KMT2E: variants seen among roughly 807,000 people sequenced by gnomAD.
KMT2E encodes lysine methyltransferase 2E (inactive), also known as histone reader KMT2E.
In KMT2E, 30 loss-of-function variants were observed where a neutral mutation model predicts 184.6. That is an observed-to-expected ratio of 0.16 (90% CI 0.12 to 0.22). The LOEUF is 0.22. KMT2E is among the 10% of genes least tolerant of loss of function. KMT2E has a pLI of 1.00. For missense variants in KMT2E, 2,023 were observed against 2,237.4 expected, an observed-to-expected ratio of 0.90 and a Z score of 1.93; for synonymous variants, 815 against 776.5, an observed-to-expected ratio of 1.05 and a Z score of -0.82.
chr7:105,048,674 G>T (rs1366562235), intron 3 of KMT2E, among the ~76,000 whole-genome samples: 1 of 152,158 alleles, frequency 6.6e-6, no homozygotes, highest in African/African-American at 2.4e-5. Context: ...TTCCTGTAAA[G>T]GGCTAAAGAA....
intron 3 of KMT2E, among the ~76,000 whole-genome samples, chr7:105,053,165 GT>G (rs1215411954): frequency 3.9e-5 from 6 of 152,124 alleles, no homozygotes; most frequent in African/African-American, 9.7e-5. Flanking sequence ...GTTAATACCT[GT>G]TTTGGGAAGC....
At chr7:105,097,421 C>A (rs2237604) in intron 15 of KMT2E, among the ~76,000 whole-genome samples, 1 of 151,894 alleles carries the variant, frequency 6.6e-6, no homozygotes, top group Non-Finnish European at 1.5e-5. Flanking sequence ...AGTCACACTC[C>A]GTTGCCAGGC....
At chr7:105,078,818 A>G (rs757824259) in intron 11 of KMT2E, 28 bp from the exon 12 acceptor site, 57 of 1,326,822 alleles carry the variant, frequency 4.3e-5, no homozygotes, top group Non-Finnish European at 4.6e-5. Context: ...TAAAATGTTA[A>G]TAGCTTATAA....
chr7:105,090,352 TG>T, intron 14 of KMT2E, 79 bp downstream of exon 14: 1 of 1,442,180 alleles, frequency 6.9e-7, no homozygotes, highest in Non-Finnish European at 9.4e-7. Flanking sequence ...CTTTGTTCTA[TG>T]TATAATTGTT....
At chr7:105,074,607 G>GTC in intron 7 of KMT2E, 36 bp from the exon 8 acceptor site, 2 of 1,387,964 alleles carry the variant, frequency 1.4e-6, no homozygotes, top group Non-Finnish European at 1.9e-6. Context: ...TAAAATAGAA[G>GTC]TATTAAATGT....
chr7:105,063,808 A>G (rs1471297710), intron 5 of KMT2E: 3 of 518,316 alleles, frequency 5.8e-6, no homozygotes, highest in Non-Finnish European at 1.0e-5. Context: ...ACTTTTTTTC[A>G]TGTAGGATCA....
rs938760793 is a variant in KMT2E, at chr7:105,073,401, A to G, written c.498-218A>G. On this transcript the variant is annotated intron_variant, in intron 6 of 26. Transcript: ENST00000311117. ...GATAGGGTGAGACCCTGTCTGGGGA[A>G]AAAAAAAAAAAAAAAAAATCAGAGT... Among the ~76,000 whole-genome samples, 45 of 74,998 alleles carry G rather than the reference A, an allele frequency of 6.0e-4. No homozygotes were observed. The East Asian group carries it at 7.1e-3, about 12-fold the overall frequency. 49.2% of individuals were successfully genotyped at this position (74,998 alleles called of 152,430 possible). A position where few individuals can be genotyped will look rare whatever the true frequency, so the allele number is the denominator to read the frequency against.
At chr7:105,099,906 T>G (rs1459136589) in intron 15 of KMT2E, among the ~76,000 whole-genome samples, 1 of 152,128 alleles carries the variant, frequency 6.6e-6, no homozygotes, top group Non-Finnish European at 1.5e-5. Flanking sequence ...CATTCAGGGT[T>G]TTAGAGAAGC....
intron 1 of KMT2E, among the ~76,000 whole-genome samples, chr7:105,026,150 C>T (rs1251514757): frequency 6.6e-6 from 1 of 152,136 alleles, no homozygotes; most frequent in African/African-American, 2.4e-5. Context: ...TCGCAAACAT[C>T]TAGTCTCCTG....
intron 1 of KMT2E, among the ~76,000 whole-genome samples, chr7:105,020,561 G>A (rs914302843): frequency 3.9e-5 from 6 of 152,126 alleles, no homozygotes; most frequent in African/African-American, 1.4e-4. Context: ...CTTCAGCCTG[G>A]GCAACGAGCG....
At position 105,110,820 on chromosome 7, in the gene KMT2E, C is replaced by G. The variant is rs867276957; in HGVS notation, c.4020C>G (p.Ser1340=). ...CCACAACTACGAATGAATGTCCATCCCCAGATACTTCTCAAAATACTTGTA... is the reference window on the plus strand; with the variant it reads ...CCACAACTACGAATGAATGTCCATCGCCAGATACTTCTCAAAATACTTGTA... ...PEPTTTNECP[S]PDTSQNTCKS... is the part of the protein sequence containing the mutation. The change falls in exon 26 of 27, where the codon TCC becomes TCG. Residue 1340 remains serine, a synonymous_variant. Coordinates refer to ENST00000311117, the MANE Select transcript of KMT2E (RefSeq NM_182931.3). 6.2e-7 allele frequency: 1 copy of G among 1,613,960 alleles called. No individual in the cohort carries two copies. Among genetic ancestry groups the G allele is most frequent in the African/African-American group, 1.3e-5 (1 of 74,894 alleles).
chr7:105,081,446 T>G (rs1797762646), intron 12 of KMT2E, among the ~76,000 whole-genome samples: 1 of 150,824 alleles, frequency 6.6e-6, no homozygotes, highest in Non-Finnish European at 1.5e-5. Flanking sequence ...TTATTATTAT[T>G]ATTATTTTGA....
chr7:105,088,075 G>A (rs1289309232), intron 13 of KMT2E, among the ~76,000 whole-genome samples: 1 of 152,034 alleles, frequency 6.6e-6, no homozygotes, highest in East Asian at 1.9e-4. Flanking sequence ...GAAGGTAGGA[G>A]ATTTAGCATA....
chr7:105,022,699 G>A (rs898693505), intron 1 of KMT2E, among the ~76,000 whole-genome samples: 2 of 151,976 alleles, frequency 1.3e-5, no homozygotes, highest in African/African-American at 4.8e-5. Context: ...TACTGTGTTG[G>A]TTGTAAATAC....
intron 13 of KMT2E, among the ~76,000 whole-genome samples, chr7:105,088,104 T>C (rs567705096): frequency 6.6e-6 from 1 of 152,294 alleles, no homozygotes; most frequent in East Asian, 1.9e-4. Flanking sequence ...CTCAGTGCTT[T>C]GTGGGATTAC....
intron 3 of KMT2E, among the ~76,000 whole-genome samples, chr7:105,045,910 C>G (rs76671646): frequency 4.6e-5 from 7 of 152,214 alleles, no homozygotes; most frequent in African/African-American, 1.4e-4. Flanking sequence ...GGCATGATCT[C>G]CTTTTTAAAT....
At chr7:105,100,929 A>G (rs1216604610) in intron 15 of KMT2E, among the ~76,000 whole-genome samples, 1 of 152,170 alleles carries the variant, frequency 6.6e-6, no homozygotes, top group Admixed American at 6.5e-5. Flanking sequence ...CTGGAGTCAC[A>G]GAGATACTTA....
intron 3 of KMT2E, among the ~76,000 whole-genome samples, chr7:105,041,964 A>C (rs1795901201): frequency 6.6e-6 from 1 of 152,028 alleles, no homozygotes; most frequent in Non-Finnish European, 1.5e-5. Context: ...AGCCTGCTTT[A>C]AAGTACTGTC....
At chr7:105,040,430 T>TA (rs1795828952) in intron 2 of KMT2E, among the ~76,000 whole-genome samples, 1 of 152,206 alleles carries the variant, frequency 6.6e-6, no homozygotes, top group Admixed American at 6.5e-5. Context: ...GAGGATTAAA[T>TA]AGACCATCCA....
Sources: gnomAD v4.1 joint callset for allele counts (sites outside exome capture counted in the v4.1 genomes callset) on GRCh38, gnomAD v4.1.1 for gene constraint, MANE v1.5 for transcripts, NCBI Gene and HGNC (gene_info 2026-07-23, HGNC 2026-07-21) for gene names.